SORCS2: variants seen among roughly 807,000 people sequenced by gnomAD.
SORCS2 encodes the protein sortilin related VPS10 domain containing receptor 2.
In SORCS2, 100 loss-of-function variants were observed where a neutral mutation model predicts 141.6. That is an observed-to-expected ratio of 0.71 (90% CI 0.60 to 0.83). The LOEUF (loss-of-function observed/expected upper bound fraction) is 0.83. Among genes scored for constraint, SORCS2 ranks in the 40% least tolerant of loss-of-function variants. The pLI is 0.00. For missense variants in SORCS2, 1,646 were observed against 1,560.2 expected, an observed-to-expected ratio of 1.05 and a Z score of -0.93; for synonymous variants, 789 against 676.9, an observed-to-expected ratio of 1.17 and a Z score of -2.57.
chr4:7,523,532 C>G (rs1733473102), intron 2 of SORCS2, among the ~76,000 whole-genome samples: 1 of 152,074 alleles, frequency 6.6e-6, no homozygotes, highest in African/African-American at 2.4e-5. Context: ...ATCTGAGGGT[C>G]CTGTGCTCTG....
At chr4:7,397,187 T>C (rs1724269911) in intron 2 of SORCS2, among the ~76,000 whole-genome samples, 3 of 152,174 alleles carry the variant, frequency 2.0e-5, no homozygotes, top group Admixed American at 2.0e-4. Context: ...CTCGAGTTGG[T>C]TTATTTTCCA....
chr4:7,555,530 A>G (rs1371942188), intron 3 of SORCS2, among the ~76,000 whole-genome samples: 1 of 152,232 alleles, frequency 6.6e-6, no homozygotes, highest in Non-Finnish European at 1.5e-5. Flanking sequence ...ACTGGGGAGA[A>G]GCCCTCATTT....
At chr4:7,417,462 T>A (rs944427715) in intron 2 of SORCS2, among the ~76,000 whole-genome samples, 2 of 152,150 alleles carry the variant, frequency 1.3e-5, no homozygotes, top group African/African-American at 4.8e-5. Flanking sequence ...GGGTAGAAGC[T>A]AGTGTTTGTC....
chr4:7,509,922 G>A (rs1252598964), intron 2 of SORCS2, among the ~76,000 whole-genome samples: 2 of 152,186 alleles, frequency 1.3e-5, no homozygotes, highest in Admixed American at 6.5e-5. Context: ...TCAGGGGCAC[G>A]AAATTACATC....
chr4:7,665,732 C>T (rs1244979942), intron 7 of SORCS2, among the ~76,000 whole-genome samples: 1 of 152,210 alleles, frequency 6.6e-6, no homozygotes. Context: ...GCTTTCCCAG[C>T]TCCTAGCATT....
intron 8 of SORCS2, among the ~76,000 whole-genome samples, chr4:7,667,597 C>T (rs1037670160): frequency 3.9e-5 from 6 of 152,130 alleles, no homozygotes; most frequent in African/African-American, 1.4e-4. Context: ...TGCCAGGGAC[C>T]CCTCCCTCCA....
intron 1 of SORCS2, among the ~76,000 whole-genome samples, chr4:7,253,804 C>T (rs746456932): frequency 4.6e-5 from 7 of 152,272 alleles, no homozygotes; most frequent in Non-Finnish European, 1.0e-4. Context: ...AATCCACCTC[C>T]TGAAGAAGTC....
At chr4:7,331,275 A>C (rs1311451174) in intron 1 of SORCS2, among the ~76,000 whole-genome samples, 2 of 151,714 alleles carry the variant, frequency 1.3e-5, no homozygotes, top group Admixed American at 1.3e-4. Flanking sequence ...GGGCTGGGGC[A>C]GGTTCTTGGG....
rs115546873 is a variant in SORCS2 at position 7,353,943 on chromosome 4, C to T, written c.481-42345C>T. Among the ~76,000 whole-genome samples the T allele has an allele frequency of 5.7e-3, 872 of 152,298 alleles. 8 individuals carry two copies. The highest frequency in any genetic ancestry group is 0.019 in the African/African-American group (806 of 41,552). On this transcript the variant is annotated intron_variant, in intron 1 of 26. Transcript: ENST00000507866. ...CTCAAGGATGCCAATCACAGCTTCCCGGCAAGAAGCCCCTCCCTGTTCCCT... is the reference window on the plus strand; with the variant it reads ...CTCAAGGATGCCAATCACAGCTTCCTGGCAAGAAGCCCCTCCCTGTTCCCT...
chr4:7,460,510 C>T (rs1402306792), intron 2 of SORCS2, among the ~76,000 whole-genome samples: 7 of 152,238 alleles, frequency 4.6e-5, no homozygotes, highest in East Asian at 3.8e-4. Flanking sequence ...GCCCACCTTG[C>T]GCCATTGTGT....
rs1276291126 is a variant in SORCS2, at chr4:7,192,621, C to T, written c.-26C>T. ...CCCCTCGTCCGCGCCGCCCCGCCGCCGGCTCCGCTGCCGCCCCTGGCGACC... is the reference window on the plus strand; with the variant it reads ...CCCCTCGTCCGCGCCGCCCCGCCGCTGGCTCCGCTGCCGCCCCTGGCGACC... On this transcript the variant is annotated 5_prime_UTR_variant, in exon 1 of 27. Transcript: ENST00000507866. This position sits in a 1 kb window ranked among gnomAD's most constrained non-coding sequence, Gnocchi z 4.0. 1.0e-6 allele frequency: 1 copy of T among 987,412 alleles called. No individual in the cohort carries two copies. The highest frequency in any genetic ancestry group is 1.2e-6 in the Non-Finnish European group (1 of 832,126). The allele number at this position is 987,412 out of a possible 1,614,324, so 61.2% of individuals were successfully genotyped here.
At chr4:7,730,403 C>T (rs1436647009) in intron 23 of SORCS2, among the ~76,000 whole-genome samples, 1 of 152,200 alleles carries the variant, frequency 6.6e-6, no homozygotes, top group Non-Finnish European at 1.5e-5. Flanking sequence ...CCCAGCAAGT[C>T]CACTTATGGG....
chr4:7,702,650 A>G (rs1725161540), intron 12 of SORCS2, among the ~76,000 whole-genome samples: 1 of 152,178 alleles, frequency 6.6e-6, no homozygotes, highest in African/African-American at 2.4e-5. Flanking sequence ...GTGGTCGGCC[A>G]TTCATTCACT....
chr4:7,711,366 G>A (rs1725816395), intron 14 of SORCS2, among the ~76,000 whole-genome samples: 1 of 152,222 alleles, frequency 6.6e-6, no homozygotes, highest in South Asian at 2.1e-4. Flanking sequence ...CTAGAATGGG[G>A]TTGTCCTTTC....
At chr4:7,634,371 C>CAAA (rs57071486) in intron 3 of SORCS2, among the ~76,000 whole-genome samples, 4 of 135,860 alleles carry the variant, frequency 2.9e-5, no homozygotes, top group East Asian at 4.2e-4. Context: ...GACTGTGTCT[C>CAAA]AAAAAAAAAA....
intron 3 of SORCS2, among the ~76,000 whole-genome samples, chr4:7,627,472 G>A (rs539675327): frequency 1.8e-4 from 27 of 152,198 alleles, no homozygotes; most frequent in African/African-American, 6.3e-4. Flanking sequence ...CATGCCATGG[G>A]GGGTGAATGG....
At chr4:7,698,779 G>A (rs1279963115) in intron 12 of SORCS2, among the ~76,000 whole-genome samples, 1 of 152,248 alleles carries the variant, frequency 6.6e-6, no homozygotes, top group African/African-American at 2.4e-5. Context: ...GGGCTTGCCT[G>A]GCTGGCGGTA....
In SORCS2 at chr4:7,396,347, T is replaced by C; in HGVS notation, c.540T>C (p.Ser180=). The C allele has an allele frequency of 6.2e-7, 1 of 1,614,002 alleles. No homozygotes were observed. Among genetic ancestry groups the C allele is most frequent in the South Asian group, 1.1e-5 (1 of 91,064 alleles). ...ACATGGGGAAGGTTCTGGAAAGTTC[T>C]CTGTGGCGGTAAGTCAGCCCGATGG... The part of the protein sequence containing the change: ...HADMGKVLES[S]LWRSSDFGTS... Residue 180 remains serine (S), a synonymous_variant, in exon 2 of 27, where the codon TCT becomes TCC. Transcript: ENST00000507866.
At position 7,201,115 on chromosome 4, in the gene SORCS2, T is replaced by G. The variant is rs943218131; in HGVS notation, c.480+7989T>G. ...GCCGTGTGAATCTGCGCTGGGGAAGTCTGGGAAGATTTCCTGGAGGAGGTG... is the reference window on the plus strand; with the variant it reads ...GCCGTGTGAATCTGCGCTGGGGAAGGCTGGGAAGATTTCCTGGAGGAGGTG... On this transcript the variant is annotated intron_variant, in intron 1 of 26. Coordinates refer to ENST00000507866, the MANE Select transcript of SORCS2 (RefSeq NM_020777.3). The surrounding 1 kb of genome is among the most constrained non-coding windows in gnomAD (Gnocchi z 4.4). Among the ~76,000 whole-genome samples the G allele has an allele frequency of 6.6e-6, 1 of 152,156 alleles. No individual in the cohort carries two copies. Among genetic ancestry groups the G allele is most frequent in the Non-Finnish European group, 1.5e-5 (1 of 68,026 alleles).
Sources: gnomAD v4.1 joint callset for allele counts (sites outside exome capture counted in the v4.1 genomes callset) on GRCh38, gnomAD v4.1.1 for gene constraint, Gnocchi (gnomAD v3.1) non-coding constraint, MANE v1.5 for transcripts, NCBI Gene and HGNC (gene_info 2026-07-23, HGNC 2026-07-21) for gene names.